Variants in STPG4 observed in about 807,000 individuals in gnomAD.
STPG4 encodes the protein sperm-tail PG-rich repeat containing 4, also known as protein STPG4.
A neutral mutation model predicts 31.5 loss-of-function variants in STPG4; 41 were observed. That is an observed-to-expected ratio of 1.30 (90% CI 1.01 to 1.69). STPG4 has a LOEUF of 1.69. Among genes scored for constraint, STPG4 ranks in the 40% most tolerant of loss-of-function variants. STPG4 has a pLI of 0.00. For missense variants in STPG4, 375 were observed against 293.4 expected (o/e 1.28, Z -2.03); for synonymous variants, 141 against 103.0 (o/e 1.37, Z -2.24).
At chr2:47,105,521 G>A (rs1224543190) in intron 5 of STPG4, among the ~76,000 whole-genome samples, 1 of 151,994 alleles carries the variant, frequency 6.6e-6, no homozygotes, top group African/African-American at 2.4e-5. Flanking sequence ...CCAGAGGATG[G>A]GGAACCAATC....
intron 5 of STPG4, among the ~76,000 whole-genome samples, chr2:47,114,695 T>G (rs1045905730): frequency 6.6e-6 from 1 of 152,342 alleles, no homozygotes; most frequent in African/African-American, 2.4e-5. Flanking sequence ...TATCCCTTCC[T>G]GCAGACAGGT....
At chr2:47,089,495 C>A (rs764730407) in intron 6 of STPG4, among the ~76,000 whole-genome samples, 1 of 152,222 alleles carries the variant, frequency 6.6e-6, no homozygotes, top group Middle Eastern at 3.2e-3. Context: ...AGCCCCTTGA[C>A]TCCCCTGGGT....
chr2:47,115,466 T>C (rs1686128974), intron 5 of STPG4, among the ~76,000 whole-genome samples: 2 of 152,160 alleles, frequency 1.3e-5, no homozygotes, highest in Admixed American at 1.3e-4. Context: ...GTCTTTGTTT[T>C]CACAATTCAT....
intron 5 of STPG4, among the ~76,000 whole-genome samples, chr2:47,126,472 G>A (rs1686367911): frequency 6.6e-6 from 1 of 152,072 alleles, no homozygotes; most frequent in Non-Finnish European, 1.5e-5. Context: ...GACCACAGGT[G>A]CATGCCATCA....
At chr2:47,127,553 G>A (rs1239577741) in intron 5 of STPG4, among the ~76,000 whole-genome samples, 1 of 152,168 alleles carries the variant, frequency 6.6e-6, no homozygotes, top group Non-Finnish European at 1.5e-5. Context: ...ACAGGCATGA[G>A]CCACTGCACC....
At chr2:47,144,047 A>G (rs767636367) in intron 3 of STPG4, among the ~76,000 whole-genome samples, 2 of 152,174 alleles carry the variant, frequency 1.3e-5, no homozygotes, top group Non-Finnish European at 2.9e-5. Context: ...TTCTGGAACC[A>G]TGTTCTGACT....
intron 5 of STPG4, among the ~76,000 whole-genome samples, chr2:47,119,360 A>G (rs1292157709): frequency 6.6e-6 from 1 of 152,234 alleles, no homozygotes; most frequent in African/African-American, 2.4e-5. Flanking sequence ...GATATCAGTA[A>G]AAGTGGCAGA....
rs116506948 is a variant in STPG4 at position 47,121,658 on chromosome 2, T to A, written c.519+8283A>T. 2.8e-3 allele frequency among the ~76,000 whole-genome samples: 430 copies of A among 152,278 alleles called. 4 individuals are homozygous for A. Among genetic ancestry groups the A allele is most frequent in the African/African-American group, 9.6e-3 (399 of 41,556 alleles). ...AACAAACAAATTTATTCTCTCATAG[T>A]TCTAGGGTCTGAAGTCTGAGTCAGT... On this transcript the variant is annotated intron_variant, in intron 5 of 6. Transcript: ENST00000445927.
chr2:47,153,718 G>T lies in STPG4; in HGVS notation c.82-702C>A, dbSNP rs189559178. Among the ~76,000 whole-genome samples, 106 of 152,156 alleles carry T rather than the reference G, an allele frequency of 7.0e-4. 1 individual carries two copies. Among genetic ancestry groups the T allele is most frequent in the South Asian group, 5.6e-3 (27 of 4,810 alleles). ...AACTCCGTAGGCAGAGGTTGCAGTGGGCCGAGATCACATCACTGCAACTCC... is the reference window on the plus strand; with the variant it reads ...AACTCCGTAGGCAGAGGTTGCAGTGTGCCGAGATCACATCACTGCAACTCC... On this transcript the variant is annotated intron_variant, in intron 1 of 6. Coordinates refer to ENST00000445927, the MANE Select transcript of STPG4 (RefSeq NM_001163561.2).
At chr2:47,123,937 T>C (rs1415037289) in intron 5 of STPG4, among the ~76,000 whole-genome samples, 1 of 152,180 alleles carries the variant, frequency 6.6e-6, no homozygotes, top group East Asian at 1.9e-4. Context: ...ATCATTTCTT[T>C]ATGTTACAAA....
chr2:47,132,226 G>A (rs569394669), intron 3 of STPG4, among the ~76,000 whole-genome samples: 39 of 151,864 alleles, frequency 2.6e-4, no homozygotes, highest in African/African-American at 9.2e-4. Context: ...AGGAGAATGA[G>A]AAGCCAGGAG....
chr2:47,109,175 C>A (rs566215834), intron 5 of STPG4, among the ~76,000 whole-genome samples: 1 of 152,336 alleles, frequency 6.6e-6, no homozygotes, highest in East Asian at 1.9e-4. Context: ...GATGGCAATA[C>A]ATGACTCGGC....
intron 5 of STPG4, among the ~76,000 whole-genome samples, chr2:47,091,044 T>C (rs1235108748): frequency 2.0e-5 from 3 of 151,800 alleles, no homozygotes; most frequent in Non-Finnish European, 4.4e-5. Context: ...TTCCTTTTTT[T>C]CCCACGGGGT....
intron 5 of STPG4, among the ~76,000 whole-genome samples, chr2:47,099,138 C>T (rs1685736495): frequency 6.6e-6 from 1 of 152,228 alleles, no homozygotes; most frequent in Non-Finnish European, 1.5e-5. Context: ...ACCTGCCCCA[C>T]CTCAAGGTGC....
At chr2:47,129,838 G>T (rs577239633) in intron 5 of STPG4, 103 bp downstream of exon 5, 2 of 1,423,144 alleles carry the variant, frequency 1.4e-6, no homozygotes, top group South Asian at 2.7e-5. Flanking sequence ...TAGGGGGAAC[G>T]ATCACTGGAG....
At chr2:47,133,445 G>A (rs1453367240) in intron 3 of STPG4, among the ~76,000 whole-genome samples, 1 of 152,038 alleles carries the variant, frequency 6.6e-6, no homozygotes, top group East Asian at 1.9e-4. Flanking sequence ...CAGATTATAG[G>A]TGTGAGCCAA....
intron 3 of STPG4, among the ~76,000 whole-genome samples, chr2:47,145,876 A>T (rs2103800760): frequency 6.6e-6 from 1 of 152,360 alleles, no homozygotes; most frequent in East Asian, 1.9e-4. Flanking sequence ...CCAAGAAAAA[A>T]ATATAAGAGC....
intron 5 of STPG4, among the ~76,000 whole-genome samples, chr2:47,126,602 T>C (rs535407645): frequency 6.6e-6 from 1 of 152,230 alleles, no homozygotes; most frequent in African/African-American, 2.4e-5. Flanking sequence ...GCTGAGATTA[T>C]AGGCATGAGC....
intron 5 of STPG4, among the ~76,000 whole-genome samples, chr2:47,112,740 C>A (rs1414826479): frequency 1.3e-5 from 2 of 152,086 alleles, no homozygotes; most frequent in South Asian, 2.1e-4. Context: ...GACACTACCA[C>A]CTTAGAATGC....
Sources: gnomAD v4.1 joint callset for allele counts (sites outside exome capture counted in the v4.1 genomes callset) on GRCh38, gnomAD v4.1.1 for gene constraint, MANE v1.5 for transcripts, NCBI Gene and HGNC (gene_info 2026-07-23, HGNC 2026-07-21) for gene names.